The following IGSF10 variants were observed in gnomAD, a reference collection of about 807,000 sequenced individuals.
IGSF10 encodes the protein calvaria mechanical force protein 608.
IGSF10 carries 126 observed loss-of-function variants against 128.2 expected under a neutral mutation model. The observed-to-expected ratio is 0.98, with a 90% CI of 0.85 to 1.14. The LOEUF is 1.14. IGSF10 is among the 50% of genes most tolerant of loss of function. The pLI is 0.00. For synonymous variants in IGSF10, 1,185 were observed against 1,146.2 expected (o/e 1.03, Z -0.68); for missense variants, 3,295 against 3,149.8 (o/e 1.05, Z -1.10).
downstream of IGSF10, chr3:151,432,952 A>T (rs575489975): frequency 3.3e-6 from 2 of 611,396 alleles, no homozygotes; most frequent in African/African-American, 3.7e-5. Flanking sequence ...AAAAAAAAAA[A>T]AAGGTGTTTA....
At chr3:151,501,782 C>T in the IGSF10 span, among the ~76,000 whole-genome samples, 1 of 152,038 alleles carries the variant, frequency 6.6e-6, no homozygotes, top group Non-Finnish European at 1.5e-5. Flanking sequence ...TTGAAAAGTA[C>T]AGTTCACAAA....
the IGSF10 span, among the ~76,000 whole-genome samples, chr3:151,501,581 G>A: frequency 2.0e-5 from 3 of 152,148 alleles, no homozygotes; most frequent in South Asian, 6.2e-4. Context: ...AAGAATGTCA[G>A]GACAGGATAT....
At chr3:151,534,829 G>GTA in the IGSF10 span, among the ~76,000 whole-genome samples, 1 of 151,362 alleles carries the variant, frequency 6.6e-6, no homozygotes, top group African/African-American at 2.4e-5. Flanking sequence ...GTGTGTGTGT[G>GTA]TATGAAGGTT....
chr3:151,573,646 G>A, the IGSF10 span, among the ~76,000 whole-genome samples: 59 of 152,224 alleles, frequency 3.9e-4, no homozygotes, highest in East Asian at 5.4e-3. Flanking sequence ...CGGGTCTCCT[G>A]AACACAGCAC....
chr3:151,617,320 C>CTTCTCCTCCT, the IGSF10 span, among the ~76,000 whole-genome samples: 143 of 83,624 alleles, frequency 1.7e-3, 7 homozygotes, highest in Middle Eastern at 0.013. Flanking sequence ...CTTCTTCTTC[C>CTTCTCCTCCT]CCTCCTCCTC....
chr3:151,597,008 GT>G, the IGSF10 span, among the ~76,000 whole-genome samples: 145 of 146,678 alleles, frequency 9.9e-4, 1 homozygote, highest in Non-Finnish European at 1.3e-3. Flanking sequence ...AGTTTCCGGG[GT>G]TTTTTTTTTT....
the IGSF10 span, among the ~76,000 whole-genome samples, chr3:151,597,170 G>A: frequency 2.6e-5 from 4 of 152,250 alleles, no homozygotes; most frequent in South Asian, 8.3e-4. Flanking sequence ...ACAAGTGTTC[G>A]ACAGTATTTC....
chr3:151,502,604 C>A, the IGSF10 span, among the ~76,000 whole-genome samples: 754 of 151,948 alleles, frequency 5.0e-3, 7 homozygotes, highest in African/African-American at 0.018. Flanking sequence ...ATGGCTCAAC[C>A]CTCCATTTTA....
the IGSF10 span, among the ~76,000 whole-genome samples, chr3:151,547,019 C>A: frequency 6.6e-6 from 1 of 152,062 alleles, no homozygotes; most frequent in African/African-American, 2.4e-5. Context: ...GATCCACCCC[C>A]CCCTTGGCCT....
upstream of IGSF10, among the ~76,000 whole-genome samples, chr3:151,462,278 A>G (rs1265633858): frequency 1.3e-5 from 2 of 152,156 alleles, no homozygotes; most frequent in African/African-American, 4.8e-5. Context: ...CGGGTCCAGC[A>G]TCAGCATTAC....
chr3:151,551,139 G>A, the IGSF10 span, among the ~76,000 whole-genome samples: 1 of 152,100 alleles, frequency 6.6e-6, no homozygotes, highest in Non-Finnish European at 1.5e-5. Context: ...GGTGAAGAGT[G>A]GTTTCTTGGC....
At position 151,444,944 on chromosome 3, in the gene IGSF10, G is replaced by A. The variant is rs146833534; in HGVS notation, c.5037C>T (p.Thr1679=). The change falls in exon 6 of 8, where the codon ACC becomes ACT. Residue 1679 remains threonine, a synonymous_variant. Transcript: ENST00000282466. The part of the protein sequence containing the change: ...PCEAVGNPLP[T]IHWTRVPSGL... Reference sequence around the variant, plus strand: ...CTGATGGGACTCTGGTCCAATGAATGGTGGGCAGGGGATTTCCAACAGCTT... The same window carrying A: ...CTGATGGGACTCTGGTCCAATGAATAGTGGGCAGGGGATTTCCAACAGCTT... 6 of 1,610,242 alleles carry A rather than the reference G, an allele frequency of 3.7e-6. No homozygotes were observed. In the African/African-American group the frequency reaches 6.7e-5, roughly 18 times the overall value.
the IGSF10 span, among the ~76,000 whole-genome samples, chr3:151,483,410 A>C: frequency 3.3e-5 from 5 of 152,334 alleles, no homozygotes; most frequent in East Asian, 9.6e-4. Context: ...AGTAACCACA[A>C]AATAAAAAAC....
At chr3:151,458,026 C>G (rs1045444349) in intron 3 of IGSF10, among the ~76,000 whole-genome samples, 1 of 151,560 alleles carries the variant, frequency 6.6e-6, no homozygotes, top group African/African-American at 2.4e-5. Context: ...GTTTAAAATA[C>G]AGTCATATTT....
the IGSF10 span, among the ~76,000 whole-genome samples, chr3:151,589,270 G>A: frequency 1.3e-5 from 2 of 152,174 alleles, no homozygotes; most frequent in South Asian, 4.1e-4. Context: ...TCTACAAATA[G>A]AACCAAATGG....
At chr3:151,441,547 C>T (rs753681763) in intron 7 of IGSF10, among the ~76,000 whole-genome samples, 2 of 152,128 alleles carry the variant, frequency 1.3e-5, no homozygotes, top group Non-Finnish European at 2.9e-5. Flanking sequence ...ATCTTCAACT[C>T]CTAAGCATGA....
At chr3:151,513,975 T>C in the IGSF10 span, among the ~76,000 whole-genome samples, 13 of 152,148 alleles carry the variant, frequency 8.5e-5, no homozygotes, top group Non-Finnish European at 1.6e-4. Flanking sequence ...TAAAAGAGGA[T>C]ACAAACAAAT....
the IGSF10 span, among the ~76,000 whole-genome samples, chr3:151,467,698 C>G: frequency 6.6e-6 from 1 of 151,986 alleles, no homozygotes; most frequent in African/African-American, 2.4e-5. Flanking sequence ...TCCTGGCTAA[C>G]GCAGTGAAAC....
At chr3:151,452,577 AGT>A (rs1721559749) in intron 5 of IGSF10, among the ~76,000 whole-genome samples, 1 of 152,140 alleles carries the variant, frequency 6.6e-6, no homozygotes, top group African/African-American at 2.4e-5. Context: ...GTCAGTATGC[AGT>A]GTGTGATTAT....
Sources: gnomAD v4.1 joint callset for allele counts (sites outside exome capture counted in the v4.1 genomes callset) on GRCh38, gnomAD v4.1.1 for gene constraint, MANE v1.5 for transcripts, NCBI Gene and HGNC (gene_info 2026-07-23, HGNC 2026-07-21) for gene names.